UBE2E2: variants seen among roughly 807,000 people sequenced by gnomAD.
UBE2E2 encodes the protein ubiquitin-conjugating enzyme E2 E2.
Under a neutral mutation model 24.7 loss-of-function variants are expected in UBE2E2, and 6 were observed. That is an observed-to-expected ratio of 0.24 (90% CI 0.13 to 0.48). The LOEUF is 0.48. Ranked by LOEUF, UBE2E2 falls within the 20% of genes least tolerant of loss-of-function variation. The pLI is 0.99. For synonymous variants in UBE2E2, 104 were observed against 83.6 expected, an observed-to-expected ratio of 1.24 and a Z score of -1.33; for missense variants, 169 against 245.0, an observed-to-expected ratio of 0.69 and a Z score of 2.07.
chr3:23,363,217 T>G (rs1343938784), intron 3 of UBE2E2, among the ~76,000 whole-genome samples: 1 of 152,208 alleles, frequency 6.6e-6, no homozygotes, highest in Non-Finnish European at 1.5e-5. Context: ...CGTAGACTAG[T>G]AATGCTATAA....
intron 1 of UBE2E2, among the ~76,000 whole-genome samples, chr3:23,206,142 T>G (rs996073512): frequency 1.2e-4 from 19 of 152,232 alleles, no homozygotes; most frequent in Non-Finnish European, 1.5e-5. Context: ...CATTTCACAT[T>G]TCTTAAGGTA....
At chr3:23,519,249 G>GTTTT (rs528694698) in intron 4 of UBE2E2, among the ~76,000 whole-genome samples, 25 of 146,856 alleles carry the variant, frequency 1.7e-4, no homozygotes, top group African/African-American at 5.0e-4. Flanking sequence ...CTTTACCAAG[G>GTTTT]TTTTTTTTTT....
chr3:23,545,711 A>G (rs1695507225), intron 5 of UBE2E2, among the ~76,000 whole-genome samples: 1 of 152,208 alleles, frequency 6.6e-6, no homozygotes, highest in African/African-American at 2.4e-5. Context: ...ACACCTGCAC[A>G]TATATGTTTA....
At chr3:23,434,724 GT>G (rs1698145670) in intron 3 of UBE2E2, among the ~76,000 whole-genome samples, 1 of 152,138 alleles carries the variant, frequency 6.6e-6, no homozygotes, top group Non-Finnish European at 1.5e-5. Flanking sequence ...TTGGGGGTGT[GT>G]TTAATAAGTA....
intron 3 of UBE2E2, among the ~76,000 whole-genome samples, chr3:23,409,386 A>T (rs894568003): frequency 6.6e-6 from 1 of 152,202 alleles, no homozygotes; most frequent in Non-Finnish European, 1.5e-5. Context: ...AATATGATGT[A>T]CAAAGAACAT....
chr3:23,431,934 A>G (rs1258191711), intron 3 of UBE2E2, among the ~76,000 whole-genome samples: 4 of 152,200 alleles, frequency 2.6e-5, no homozygotes, highest in Non-Finnish European at 4.4e-5. Context: ...ATGATGATCT[A>G]AGACTACTAA....
At chr3:23,431,046 T>C (rs564684183) in intron 3 of UBE2E2, among the ~76,000 whole-genome samples, 16 of 152,274 alleles carry the variant, frequency 1.1e-4, no homozygotes, top group African/African-American at 3.8e-4. Flanking sequence ...AGAGATTCAG[T>C]GCTGACTTTA....
chr3:23,273,364 A>G (rs565098970), intron 3 of UBE2E2, among the ~76,000 whole-genome samples: 12 of 152,164 alleles, frequency 7.9e-5, no homozygotes, highest in South Asian at 2.1e-4. Context: ...CGTCTCTACT[A>G]AAAATACAAA....
chr3:23,346,147 C>G (rs1695548634), intron 3 of UBE2E2, among the ~76,000 whole-genome samples: 1 of 152,074 alleles, frequency 6.6e-6, no homozygotes, highest in South Asian at 2.1e-4. Context: ...TCTTTTAAAG[C>G]CAATAAGTAA....
chr3:23,296,033 C>T (rs756448472), intron 3 of UBE2E2, among the ~76,000 whole-genome samples: 20 of 152,174 alleles, frequency 1.3e-4, no homozygotes, highest in Non-Finnish European at 2.6e-4. Flanking sequence ...TAGCTTCAAA[C>T]ATTTCTAAAT....
chr3:23,505,468 C>T (rs1458841711), intron 4 of UBE2E2, among the ~76,000 whole-genome samples: 1 of 152,144 alleles, frequency 6.6e-6, no homozygotes, highest in Non-Finnish European at 1.5e-5. Context: ...ACAGGTTAGA[C>T]ATGCTGTGTC....
At chr3:23,310,300 C>CTT (rs34141165) in intron 3 of UBE2E2, among the ~76,000 whole-genome samples, 60,283 of 143,920 alleles carry the variant, frequency 0.42, 13,041 homozygotes, top group Admixed American at 0.56. Context: ...AAAGGCATGC[C>CTT]TTTTTTTTTT....
intron 3 of UBE2E2, among the ~76,000 whole-genome samples, chr3:23,470,071 G>T (rs1263067550): frequency 6.6e-6 from 1 of 152,196 alleles, no homozygotes; most frequent in African/African-American, 2.4e-5. Flanking sequence ...GAGCATTGCA[G>T]TAATGAACTA....
intron 3 of UBE2E2, among the ~76,000 whole-genome samples, chr3:23,311,945 G>A (rs1470976612): frequency 2.0e-5 from 3 of 152,144 alleles, no homozygotes; most frequent in East Asian, 3.9e-4. Flanking sequence ...AATCGCCAGT[G>A]TTGGAGGTAG....
intron 3 of UBE2E2, among the ~76,000 whole-genome samples, chr3:23,276,691 T>C (rs970200196): frequency 6.6e-6 from 1 of 152,030 alleles, no homozygotes; most frequent in African/African-American, 2.4e-5. Context: ...TGTTTTGAAG[T>C]CTTTAATAAT....
chr3:23,219,148 G>C (rs1696558559), intron 3 of UBE2E2, among the ~76,000 whole-genome samples: 1 of 152,180 alleles, frequency 6.6e-6, no homozygotes, highest in South Asian at 2.1e-4. Context: ...AGCTAGGTCT[G>C]CAGTGCAGTG....
chr3:23,573,234 A>T (rs926024871), intron 5 of UBE2E2, among the ~76,000 whole-genome samples: 2 of 152,238 alleles, frequency 1.3e-5, no homozygotes, highest in African/African-American at 4.8e-5. Context: ...AACATTTCAC[A>T]TAAAAGTTAC....
intron 5 of UBE2E2, among the ~76,000 whole-genome samples, chr3:23,536,959 G>A (rs1300465194): frequency 6.6e-6 from 1 of 152,180 alleles, no homozygotes; most frequent in Non-Finnish European, 1.5e-5. Context: ...ACGAGATAAT[G>A]TATAATGAAA....
At chr3:23,468,630 C>A (rs1226625939) in intron 3 of UBE2E2, among the ~76,000 whole-genome samples, 1 of 152,216 alleles carries the variant, frequency 6.6e-6, no homozygotes, top group Non-Finnish European at 1.5e-5. Flanking sequence ...TCTCTACTTG[C>A]ATGACATTAG....
Sources: allele counts gnomAD v4.1 joint callset (sites outside exome capture counted in the v4.1 genomes callset), GRCh38; gene constraint gnomAD v4.1.1; transcripts MANE v1.5; gene names NCBI Gene and HGNC (gene_info 2026-07-23, HGNC 2026-07-21).